The following NBAS variants were observed in gnomAD, a reference collection of about 807,000 sequenced individuals.
NBAS encodes NAG/BC035112 fusion.
Under a neutral mutation model 302.5 loss-of-function variants are expected in NBAS, and 219 were observed. That is an observed-to-expected ratio of 0.72 (90% CI 0.65 to 0.81). NBAS has a LOEUF of 0.81. Among genes scored for constraint, NBAS ranks in the 30% least tolerant of loss-of-function variants. NBAS has a pLI of 0.00. For synonymous variants in NBAS, 1,118 were observed against 1,021.6 expected (o/e 1.09, Z -1.80); for missense variants, 2,932 against 2,841.6 (o/e 1.03, Z -0.72).
chr2:15,245,632 TGGATGGATGGATGGACGGACGGACGGAC>T (rs1558470565), intron 44 of NBAS, among the ~76,000 whole-genome samples: 1 of 151,166 alleles, frequency 6.6e-6, no homozygotes, highest in African/African-American at 2.4e-5. Context: ...GATGGATGGA[TGGATGGATGGATGGACGGACGGACGGAC>T]GGATGGATGG....
intron 44 of NBAS, 21 bp downstream of exon 44, chr2:15,275,463 T>C (rs993289681): frequency 6.2e-7 from 1 of 1,610,348 alleles, no homozygotes; most frequent in Non-Finnish European, 8.5e-7. Flanking sequence ...TCAAACCACT[T>C]TAAAATATCT....
the NBAS span, among the ~76,000 whole-genome samples, chr2:15,107,567 G>A: frequency 1.3e-5 from 2 of 152,212 alleles, no homozygotes; most frequent in Non-Finnish European, 2.9e-5. Flanking sequence ...GGGTTCAAGG[G>A]CAGGGACCAA....
At chr2:14,863,832 A>C in the NBAS span, among the ~76,000 whole-genome samples, 1 of 152,350 alleles carries the variant, frequency 6.6e-6, no homozygotes, top group East Asian at 1.9e-4. Context: ...GAGGTTTTAA[A>C]AGCTTACTAC....
At chr2:15,098,290 T>TCGTG in the NBAS span, among the ~76,000 whole-genome samples, 2 of 3,362 alleles carry the variant, frequency 5.9e-4, 1 homozygote, top group Non-Finnish European at 1.0e-3. Context: ...ATAATATATA[T>TCGTG]TATATACAAT....
intron 1 of NBAS, among the ~76,000 whole-genome samples, chr2:15,560,056 T>C (rs996756709): frequency 6.6e-6 from 1 of 152,022 alleles, no homozygotes; most frequent in Non-Finnish European, 1.5e-5. Context: ...ATACAAACTT[T>C]GGGCTGAAAA....
At chr2:14,788,992 G>A in the NBAS span, among the ~76,000 whole-genome samples, 27 of 152,342 alleles carry the variant, frequency 1.8e-4, no homozygotes, top group Middle Eastern at 3.4e-3. Flanking sequence ...CACCCAGTTG[G>A]AGCTTCCTGG....
intron 35 of NBAS, among the ~76,000 whole-genome samples, chr2:15,336,179 G>A (rs1159853592): frequency 6.6e-6 from 1 of 151,936 alleles, no homozygotes; most frequent in Non-Finnish European, 1.5e-5. Flanking sequence ...TTTGCTGTAA[G>A]TAAAATCTTA....
At chr2:15,017,024 C>T in the NBAS span, among the ~76,000 whole-genome samples, 1 of 152,030 alleles carries the variant, frequency 6.6e-6, no homozygotes, top group Non-Finnish European at 1.5e-5. Context: ...TTAAAATGCA[C>T]TGATTTTTTG....
intron 9 of NBAS, among the ~76,000 whole-genome samples, chr2:15,513,294 T>G (rs1317864726): frequency 1.3e-5 from 2 of 152,194 alleles, no homozygotes; most frequent in Non-Finnish European, 2.9e-5. Flanking sequence ...GTTCCTACCC[T>G]AAGCAAATCC....
chr2:15,113,769 T>A, the NBAS span, among the ~76,000 whole-genome samples: 4 of 152,132 alleles, frequency 2.6e-5, no homozygotes, highest in Non-Finnish European at 4.4e-5. Flanking sequence ...CTGCTCTTTT[T>A]TTTTAAAACA....
the NBAS span, among the ~76,000 whole-genome samples, chr2:14,848,343 C>A: frequency 7.0e-6 from 1 of 143,088 alleles, no homozygotes; most frequent in African/African-American, 2.9e-5. Flanking sequence ...TCGGGTCACT[C>A]CCACCCGAAT....
At chr2:15,483,957 C>T (rs1680527120) in intron 12 of NBAS, among the ~76,000 whole-genome samples, 2 of 152,124 alleles carry the variant, frequency 1.3e-5, no homozygotes, top group Admixed American at 6.5e-5. Flanking sequence ...ACTAGAGCAG[C>T]CATAAAGAGA....
intron 42 of NBAS, among the ~76,000 whole-genome samples, chr2:15,283,409 G>T (rs1488210660): frequency 6.6e-6 from 1 of 152,106 alleles, no homozygotes; most frequent in African/African-American, 2.4e-5. Flanking sequence ...AATCATGGGG[G>T]TGGTTACCCC....
chr2:15,350,901 T>C (rs1374040013), intron 35 of NBAS, among the ~76,000 whole-genome samples: 3 of 152,194 alleles, frequency 2.0e-5, no homozygotes, highest in Non-Finnish European at 4.4e-5. Flanking sequence ...CAAAGTCTCA[T>C]TGGTAAAACA....
chr2:15,308,290 C>T lies in NBAS; in HGVS notation c.4723G>A (p.Ala1575Thr), dbSNP rs774113325. Residue 1575 changes from alanine (A) to threonine (T), a missense_variant, in exon 40 of 52, where the codon GCG becomes ACG. By Grantham distance (58) the Ala-to-Thr change is moderately conservative (BLOSUM62 0). Coordinates refer to ENST00000281513, the MANE Select transcript of NBAS (RefSeq NM_015909.4). ...TAGATCTGGAGGCTATAGTAATACG[C>T]TGCCAGCTGGAGAGATAATGCAGAG... ...SPSALSLQLAAYYYSLQIYAR... is the reference protein window; with the variant it reads ...SPSALSLQLATYYYSLQIYAR... The T allele has an allele frequency of 3.1e-6, 5 of 1,614,056 alleles. No homozygotes were observed. The highest frequency in any genetic ancestry group is 1.1e-5 in the South Asian group (1 of 91,082).
intron 48 of NBAS, among the ~76,000 whole-genome samples, chr2:15,208,678 A>C (rs1666261457): frequency 6.6e-6 from 1 of 152,218 alleles, no homozygotes. Context: ...AAAACATTAA[A>C]AAAATGGAAA....
chr2:15,093,484 T>C, the NBAS span, among the ~76,000 whole-genome samples: 1 of 152,234 alleles, frequency 6.6e-6, no homozygotes, highest in Non-Finnish European at 1.5e-5. Flanking sequence ...GTTCAACATA[T>C]ATTTTATGTG....
rs552717610 is a variant in NBAS at position 15,528,900 on chromosome 2, T to G, written c.746+5643A>C. On this transcript the variant is annotated intron_variant, in intron 9 of 51. Transcript: ENST00000281513. ...AAAAATATATATATATATATATATG[T>G]GTGTATATATATATACACACACACA... Among the ~76,000 whole-genome samples the G allele has an allele frequency of 5.4e-3, 659 of 122,862 alleles. 8 individuals are homozygous for G. Among genetic ancestry groups the G allele is most frequent in the African/African-American group, 0.023 (595 of 26,110 alleles). The allele number at this position is 122,862 out of a possible 152,430, so 80.6% of individuals were successfully genotyped here. A position where few individuals can be genotyped will look rare whatever the true frequency, so the allele number is the denominator to read the frequency against.
the NBAS span, among the ~76,000 whole-genome samples, chr2:15,092,342 C>G: frequency 6.6e-6 from 1 of 152,096 alleles, no homozygotes; most frequent in Non-Finnish European, 1.5e-5. Flanking sequence ...TTCAAGAGCC[C>G]AGCATGATAA....
Sources: gnomAD v4.1 joint callset for allele counts (sites outside exome capture counted in the v4.1 genomes callset) on GRCh38, gnomAD v4.1.1 for gene constraint, MANE v1.5 for transcripts, NCBI Gene and HGNC (gene_info 2026-07-23, HGNC 2026-07-21) for gene names.